Variants in NPRL3 observed in about 807,000 individuals in gnomAD.
NPRL3 encodes NPR3 like, GATOR1 complex subunit, also known as GATOR1 complex protein NPRL3.
In NPRL3, 23 loss-of-function variants were observed where a neutral mutation model predicts 57.2. The observed-to-expected ratio is 0.40, with a 90% CI of 0.29 to 0.57. The LOEUF (loss-of-function observed/expected upper bound fraction) is 0.57. Among genes scored for constraint, NPRL3 ranks in the 20% least tolerant of loss-of-function variants. The pLI, the probability that NPRL3 is intolerant of heterozygous loss-of-function variation, is 0.42. For synonymous variants in NPRL3, 333 were observed against 321.1 expected, an observed-to-expected ratio of 1.04 and a Z score of -0.39; for missense variants, 691 against 767.1, an observed-to-expected ratio of 0.90 and a Z score of 1.17.
chr16:97,984 A>G (rs924226487), intron 9 of NPRL3, among the ~76,000 whole-genome samples, 161 bp downstream of exon 9: 7 of 152,166 alleles, frequency 4.6e-5, no homozygotes, highest in African/African-American at 1.7e-4. Flanking sequence ...CTCAGATGCC[A>G]AAACCTCCAG....
At chr16:117,266 A>G (rs2141957466) in intron 5 of NPRL3, 35 bp downstream of exon 5, 1 of 1,460,846 alleles carries the variant, frequency 6.8e-7, no homozygotes. Context: ...CACTGGCCCC[A>G]CTCCCTGATC....
chr16:98,410 C>G lies in NPRL3; in HGVS notation c.768-109G>C. 2.5e-6 allele frequency: 3 copies of G among 1,218,838 alleles called. No individual in the cohort carries two copies. The South Asian group carries it at 4.5e-5, about 18-fold the overall frequency. 75.5% of individuals were successfully genotyped at this position (1,218,838 alleles called of 1,614,324 possible). ...ACCGGGTATGCACCAGGTCCTGCAC[C>G]AGGTATGCACCGGGTATGCACCAGG... On this transcript the variant is annotated intron_variant, in intron 8 of 13. Coordinates refer to ENST00000611875, the MANE Select transcript of NPRL3 (RefSeq NM_001077350.3).
chr16:99,925 CTCTG>C (rs1242350328), intron 8 of NPRL3, among the ~76,000 whole-genome samples: 1 of 132,736 alleles, frequency 7.5e-6, no homozygotes, highest in Non-Finnish European at 1.5e-5. Context: ...AAGATCAAAA[CTCTG>C]TCTCTCTCTC....
intron 3 of NPRL3, among the ~76,000 whole-genome samples, chr16:122,261 T>TA (rs753101308): frequency 1.3e-5 from 2 of 151,840 alleles, no homozygotes; most frequent in Admixed American, 6.6e-5. Context: ...CAAGCCCGGC[T>TA]AATTTTTCAT....
intron 3 of NPRL3, among the ~76,000 whole-genome samples, chr16:129,832 C>A (rs900054503): frequency 2.0e-5 from 3 of 152,122 alleles, no homozygotes; most frequent in Non-Finnish European, 4.4e-5. Flanking sequence ...TCCACACAGG[C>A]CTTGTCTGTG....
At chr16:103,229 T>C (rs1899374378) in intron 7 of NPRL3, among the ~76,000 whole-genome samples, 1 of 145,492 alleles carries the variant, frequency 6.9e-6, no homozygotes, top group African/African-American at 2.6e-5. Context: ...GCAGCCTTGA[T>C]CTCCCAGGCT....
At chr16:109,683 C>G (rs1285229315) in intron 7 of NPRL3, among the ~76,000 whole-genome samples, 1 of 152,136 alleles carries the variant, frequency 6.6e-6, no homozygotes. Context: ...GTTTGTACCT[C>G]TGTCCCACCA....
chr16:93,414 T>C (rs1459987097), intron 9 of NPRL3, 89 bp from the exon 10 acceptor site: 2 of 824,624 alleles, frequency 2.4e-6, no homozygotes, highest in East Asian at 2.7e-5. Flanking sequence ...GGCCATGGCC[T>C]ACCAGCCTGG....
At chr16:98,369 C>A in intron 8 of NPRL3, 68 bp from the exon 9 acceptor site, 1 of 1,521,042 alleles carries the variant, frequency 6.6e-7, no homozygotes, top group Non-Finnish European at 8.9e-7. Context: ...TGCACCAGGT[C>A]CTGCACCAGG....
chr16:104,639 C>T (rs941910339), intron 7 of NPRL3, among the ~76,000 whole-genome samples: 1 of 152,224 alleles, frequency 6.6e-6, no homozygotes, highest in African/African-American at 2.4e-5. Context: ...GGACTTTACT[C>T]CATTTTCCCA....
intron 5 of NPRL3, among the ~76,000 whole-genome samples, chr16:116,787 A>ACCCCCCCCCCCCC (rs71391112): frequency 1.4e-4 from 12 of 85,948 alleles, no homozygotes; most frequent in Non-Finnish European, 1.8e-4. Context: ...ACATGGCGAG[A>ACCCCCCCCCCCCC]CCCCCCCCCC....
At chr16:134,694 A>ATTTTTTT (rs34425237) in intron 2 of NPRL3, among the ~76,000 whole-genome samples, 24 of 103,410 alleles carry the variant, frequency 2.3e-4, no homozygotes, top group African/African-American at 4.1e-4. Context: ...AATTATTATT[A>ATTTTTTT]TTTTTTTTTT....
At chr16:131,938 T>C (rs1009403515) in intron 2 of NPRL3, among the ~76,000 whole-genome samples, 102 of 152,164 alleles carry the variant, frequency 6.7e-4, no homozygotes, top group Admixed American at 6.6e-3. Flanking sequence ...ATCTCTGTTG[T>C]CATTTTAACA....
intron 9 of NPRL3, among the ~76,000 whole-genome samples, chr16:95,340 T>TACAC (rs1249496882): frequency 3.6e-5 from 2 of 55,062 alleles, no homozygotes; most frequent in Non-Finnish European, 4.7e-5. Context: ...TATATATATA[T>TACAC]ATATATATAT....
intron 3 of NPRL3, among the ~76,000 whole-genome samples, chr16:123,709 AAGAAACAGGATCACACACTCCCCACGCTG>A (rs1900378772): frequency 6.6e-6 from 1 of 151,684 alleles, no homozygotes; most frequent in Non-Finnish European, 1.5e-5. Context: ...CTTACCAGAC[AAGAAACAGGATCACACACTCCCCACGCTG>A]AGAAACAGGG....
chr16:133,011 A>G (rs1289700013), intron 2 of NPRL3, among the ~76,000 whole-genome samples: 1 of 152,004 alleles, frequency 6.6e-6, no homozygotes, highest in Non-Finnish European at 1.5e-5. Context: ...CTTTCCTTAA[A>G]TCTCATGAAC....
intron 7 of NPRL3, among the ~76,000 whole-genome samples, chr16:103,196 C>T (rs1020012100): frequency 1.3e-5 from 2 of 150,118 alleles, no homozygotes; most frequent in African/African-American, 4.9e-5. Context: ...GGCTGGAGTG[C>T]AGTGGCGCCA....
At chr16:88,060 C>T (rs971986450) in intron 13 of NPRL3, among the ~76,000 whole-genome samples, 5 of 152,146 alleles carry the variant, frequency 3.3e-5, no homozygotes, top group African/African-American at 9.7e-5. Context: ...CCTGACAACC[C>T]GACCACTCCC....
At chr16:107,742 A>G (rs1182522728) in intron 7 of NPRL3, among the ~76,000 whole-genome samples, 3 of 152,240 alleles carry the variant, frequency 2.0e-5, no homozygotes, top group Non-Finnish European at 2.9e-5. Context: ...GAGCACTACA[A>G]GCTCGAACTC....
Sources: gnomAD v4.1 joint callset for allele counts (sites outside exome capture counted in the v4.1 genomes callset) on GRCh38, gnomAD v4.1.1 for gene constraint, MANE v1.5 for transcripts, NCBI Gene and HGNC (gene_info 2026-07-23, HGNC 2026-07-21) for gene names.